The following ZNF518A variants were observed in gnomAD, a reference collection of about 807,000 sequenced individuals.
The protein encoded by ZNF518A is zinc finger protein 518.
In ZNF518A, 47 loss-of-function variants were observed where a neutral mutation model predicts 102.7. The observed-to-expected ratio is 0.46, with a 90% CI of 0.36 to 0.58. ZNF518A has a LOEUF of 0.58. ZNF518A is among the 20% of genes least tolerant of loss of function. The pLI is 0.00. For missense variants in ZNF518A, 1,793 were observed against 1,699.8 expected (o/e 1.05, Z -0.96); for synonymous variants, 652 against 594.6 (o/e 1.10, Z -1.40).
chr10:96,170,932 A>G (rs2083169624), intron 1 of ZNF518A, among the ~76,000 whole-genome samples: 1 of 152,168 alleles, frequency 6.6e-6, no homozygotes, highest in African/African-American at 2.4e-5. Flanking sequence ...TTCTCTAAAG[A>G]AGATATACAA....
intron 3 of ZNF518A, chr10:96,151,581 A>G (rs2082452559): frequency 6.6e-6 from 1 of 152,184 alleles, no homozygotes. Context: ...GTTTAGGGGA[A>G]GTTGTAGGCA....
At chr10:96,142,354 G>GTT (rs1444016407) in intron 3 of ZNF518A, among the ~76,000 whole-genome samples, 3 of 128,402 alleles carry the variant, frequency 2.3e-5, no homozygotes, top group African/African-American at 8.9e-5. Context: ...GTGTGTGTGT[G>GTT]TTTCTAGATT....
intron 1 of ZNF518A, among the ~76,000 whole-genome samples, chr10:96,174,099 G>C (rs2133885691): frequency 6.6e-6 from 1 of 152,158 alleles, no homozygotes; most frequent in Non-Finnish European, 1.5e-5. Context: ...AGTGCTTAGA[G>C]GGAAATTTAT....
chr10:96,143,505 T>C (rs1554877329), intron 3 of ZNF518A, among the ~76,000 whole-genome samples: 1 of 152,236 alleles, frequency 6.6e-6, no homozygotes, highest in East Asian at 1.9e-4. Context: ...CCTGCTACTC[T>C]TTAAAGGGTC....
chr10:96,147,180 A>G (rs1231506663), intron 3 of ZNF518A, among the ~76,000 whole-genome samples: 1 of 152,232 alleles, frequency 6.6e-6, no homozygotes, highest in Non-Finnish European at 1.5e-5. Context: ...AGTTTATGTC[A>G]ATACAAGCCA....
chr10:96,176,270 A>C (rs2133888006), intron 1 of ZNF518A, among the ~76,000 whole-genome samples: 1 of 152,260 alleles, frequency 6.6e-6, no homozygotes, highest in Middle Eastern at 3.4e-3. Flanking sequence ...GTACACTTCC[A>C]TGAATGCCAC....
At position 96,157,777 on chromosome 10, in the gene ZNF518A, G is replaced by A. The variant is rs2082768013; in HGVS notation, c.1455G>A (p.Gln485=). ...CAAAGGACGGTACTGCTAATTTGCAGCCCCAGACTTTGGACACTAATGGAT... is the reference window on the plus strand; with the variant it reads ...CAAAGGACGGTACTGCTAATTTGCAACCCCAGACTTTGGACACTAATGGAT... ...GAAKDGTANL[Q]PQTLDTNGFL... The change falls in exon 6 of 6, where the codon CAG becomes CAA. Residue 485 remains glutamine (Q), a synonymous_variant. Coordinates refer to ENST00000316045, the MANE Select transcript of ZNF518A (RefSeq NM_001330736.2). 2 of 1,613,770 alleles carry A rather than the reference G, an allele frequency of 1.2e-6. No individual in the cohort carries two copies. Among genetic ancestry groups the A allele is most frequent in the Admixed American group, 1.7e-5 (1 of 60,006 alleles).
chr10:96,173,321 A>G (rs1440561316), intron 1 of ZNF518A, among the ~76,000 whole-genome samples: 1 of 126,668 alleles, frequency 7.9e-6, no homozygotes, highest in Admixed American at 8.0e-5. Flanking sequence ...CCCTCTGTGG[A>G]GATCACAGTT....
intron 1 of ZNF518A, chr10:96,201,068 A>G (rs782493413): frequency 6.2e-7 from 1 of 1,611,044 alleles, no homozygotes; most frequent in South Asian, 1.1e-5. Flanking sequence ...CCTGAAAGGG[A>G]TCAGAAAAGT....
intron 1 of ZNF518A, among the ~76,000 whole-genome samples, chr10:96,171,286 C>G (rs1399079556): frequency 6.6e-6 from 1 of 152,078 alleles, no homozygotes; most frequent in African/African-American, 2.4e-5. Flanking sequence ...GGAAACAACC[C>G]AAAGTCCATC....
At chr10:96,137,060 C>T (rs182904674) in intron 3 of ZNF518A, among the ~76,000 whole-genome samples, 2 of 152,338 alleles carry the variant, frequency 1.3e-5, no homozygotes, top group East Asian at 3.9e-4. Flanking sequence ...CAGATTTGGC[C>T]TGCAGGCCGT....
chr10:96,164,908 G>A (rs2083112418), downstream of ZNF518A, among the ~76,000 whole-genome samples: 1 of 152,164 alleles, frequency 6.6e-6, no homozygotes, highest in African/African-American at 2.4e-5. Flanking sequence ...TTTCAATTAA[G>A]GAGTGAAATG....
At chr10:96,146,862 A>G (rs1485373718) in intron 3 of ZNF518A, among the ~76,000 whole-genome samples, 1 of 152,212 alleles carries the variant, frequency 6.6e-6, no homozygotes, top group African/African-American at 2.4e-5. Context: ...CTGGCTATAC[A>G]GTGAAAAGGT....
At chr10:96,135,975 G>A (rs1198264869) in intron 3 of ZNF518A, among the ~76,000 whole-genome samples, 5 of 152,086 alleles carry the variant, frequency 3.3e-5, no homozygotes, top group Admixed American at 3.3e-4. Context: ...GAGAATAACT[G>A]AAAAAAGGAT....
chr10:96,142,169 T>C (rs1554876773), intron 3 of ZNF518A, among the ~76,000 whole-genome samples: 3 of 152,094 alleles, frequency 2.0e-5, no homozygotes, highest in African/African-American at 7.3e-5. Context: ...GGCTTTAGTC[T>C]CTCAGGTAAA....
At chr10:96,179,812 C>G (rs1267772811) in intron 1 of ZNF518A, among the ~76,000 whole-genome samples, 1 of 151,164 alleles carries the variant, frequency 6.6e-6, no homozygotes, top group East Asian at 1.9e-4. Context: ...CTCCTCTCCT[C>G]CTTCTCTTTC....
intron 1 of ZNF518A, among the ~76,000 whole-genome samples, chr10:96,181,732 T>C (rs1011056841): frequency 6.6e-6 from 1 of 152,242 alleles, no homozygotes; most frequent in African/African-American, 2.4e-5. Context: ...TCTGTTTTGG[T>C]TACTGTAGCC....
At position 96,158,735 on chromosome 10, in the gene ZNF518A, C is replaced by A; in HGVS notation, c.2413C>A (p.Pro805Thr). Residue 805 changes from proline to threonine, a missense_variant, in exon 6 of 6, where the codon CCA becomes ACA. Pro to Thr is a conservative substitution (Grantham distance 38). This residue lies in a region of ZNF518A where 1,741 missense variants were observed against 1,622.6 expected (regional missense o/e 1.07). Transcript: ENST00000316045. ...TGTAAAACAAGACTCTAGTAACACT[C>A]CAAATAAAGGCTTGCCACTTCATTG... is the stretch of plus-strand genomic sequence containing the variant. ...PDVKQDSSNT[P>T]NKGLPLHCDQ... The A allele has an allele frequency of 6.2e-7, 1 of 1,613,294 alleles. No homozygotes were observed. The highest frequency in any genetic ancestry group is 8.5e-7 in the Non-Finnish European group (1 of 1,179,522).
chr10:96,164,684 G>T (rs10509703), downstream of ZNF518A, among the ~76,000 whole-genome samples: 36,454 of 152,136 alleles, frequency 0.24, 5,629 homozygotes, highest in Middle Eastern at 0.36. Context: ...TGTTACAAGA[G>T]TGGAAACTTT....
Sources: allele counts gnomAD v4.1 joint callset (sites outside exome capture counted in the v4.1 genomes callset), GRCh38; gene constraint gnomAD v4.1.1; regional missense constraint gnomAD v4.1.1; transcripts MANE v1.5; gene names NCBI Gene and HGNC (gene_info 2026-07-23, HGNC 2026-07-21).